WWOX: variants seen among roughly 807,000 people sequenced by gnomAD.
WWOX encodes the protein WW domain containing oxidoreductase, also known as WW domain-containing oxidoreductase.
WWOX carries 69 observed loss-of-function variants against 46.2 expected under a neutral mutation model. That is an observed-to-expected ratio of 1.49 (90% CI 1.23 to 1.82). The LOEUF (loss-of-function observed/expected upper bound fraction) is 1.82. Ranked by LOEUF, WWOX falls within the 40% of genes most tolerant of loss-of-function variation. The probability of loss-of-function intolerance (pLI) is 0.00; values close to 1 mark genes in which losing one functional copy is unlikely to be tolerated. For synonymous variants in WWOX, 359 were observed against 202.6 expected, an observed-to-expected ratio of 1.77 and a Z score of -6.56; for missense variants, 919 against 542.6, an observed-to-expected ratio of 1.69 and a Z score of -6.89.
intron 4 of WWOX, among the ~76,000 whole-genome samples, chr16:78,132,182 G>A (rs569048256): frequency 4.8e-4 from 73 of 151,534 alleles, no homozygotes; most frequent in Non-Finnish European, 8.0e-4. Context: ...CCGCCACCAC[G>A]CCCGGCTAAT....
intron 5 of WWOX, among the ~76,000 whole-genome samples, chr16:78,353,486 G>A (rs970150315): frequency 2.0e-5 from 3 of 152,164 alleles, no homozygotes; most frequent in South Asian, 2.1e-4. Context: ...TGTTCAATAC[G>A]TAGCACCTTT....
chr16:78,237,848 C>T (rs899875992), intron 5 of WWOX, among the ~76,000 whole-genome samples: 1 of 152,128 alleles, frequency 6.6e-6, no homozygotes, highest in African/African-American at 2.4e-5. Context: ...TCGGTTTTGC[C>T]TCTTGGCTCA....
At chr16:79,062,251 T>C (rs1466508032) in intron 8 of WWOX, among the ~76,000 whole-genome samples, 1 of 152,180 alleles carries the variant, frequency 6.6e-6, no homozygotes. Context: ...ATGGGACATA[T>C]CATTTTCTTA....
chr16:78,675,549 C>T (rs1213895022), intron 8 of WWOX, among the ~76,000 whole-genome samples: 2 of 152,312 alleles, frequency 1.3e-5, no homozygotes, highest in East Asian at 1.9e-4. Flanking sequence ...ATTTTGAGAG[C>T]AAGCACGGGG....
chr16:79,054,693 C>A (rs1390515799), intron 8 of WWOX, among the ~76,000 whole-genome samples: 1 of 151,936 alleles, frequency 6.6e-6, no homozygotes, highest in African/African-American at 2.4e-5. Context: ...GGCGTGGTGT[C>A]GTGTGTCTGT....
chr16:78,112,654 T>TATGTTGAAA (rs1251062607), intron 3 of WWOX, among the ~76,000 whole-genome samples: 24 of 151,368 alleles, frequency 1.6e-4, no homozygotes, highest in Non-Finnish European at 2.6e-4. Flanking sequence ...GCATTGGTTG[T>TATGTTGAAA]ATGTTGAAAA....
At chr16:78,154,485 C>CTTTTTTTTTTT (rs557916068) in intron 4 of WWOX, among the ~76,000 whole-genome samples, 1 of 77,786 alleles carries the variant, frequency 1.3e-5, no homozygotes, top group African/African-American at 5.3e-5. Context: ...AATCCTTGAT[C>CTTTTTTTTTTT]TTTTTTTTTT....
intron 8 of WWOX, among the ~76,000 whole-genome samples, chr16:79,209,742 T>C (rs1020488424): frequency 6.6e-6 from 1 of 152,206 alleles, no homozygotes; most frequent in African/African-American, 2.4e-5. Context: ...AATTCTCCAA[T>C]TTGTCTTTAG....
chr16:78,174,407 C>T (rs973165020), intron 5 of WWOX, among the ~76,000 whole-genome samples: 1 of 152,200 alleles, frequency 6.6e-6, no homozygotes, highest in Non-Finnish European at 1.5e-5. Context: ...GTCCCTCCCA[C>T]AACATGTGGG....
At chr16:78,894,970 C>G (rs1361385950) in intron 8 of WWOX, among the ~76,000 whole-genome samples, 2 of 152,180 alleles carry the variant, frequency 1.3e-5, no homozygotes, top group Non-Finnish European at 2.9e-5. Flanking sequence ...GGATCCACCT[C>G]CACAACTAGG....
At chr16:78,593,962 A>G (rs527995101) in intron 8 of WWOX, among the ~76,000 whole-genome samples, 26 of 152,282 alleles carry the variant, frequency 1.7e-4, no homozygotes, top group African/African-American at 6.0e-4. Flanking sequence ...TTGTCCCACT[A>G]TCATTATATC....
At chr16:78,956,282 A>G (rs1014608403) in intron 8 of WWOX, among the ~76,000 whole-genome samples, 4 of 152,104 alleles carry the variant, frequency 2.6e-5, no homozygotes, top group Admixed American at 2.6e-4. Flanking sequence ...AGTAGCTGGG[A>G]TTATAGGCAC....
intron 5 of WWOX, among the ~76,000 whole-genome samples, chr16:78,342,232 C>A (rs1293285764): frequency 8.2e-6 from 1 of 121,438 alleles, no homozygotes; most frequent in Non-Finnish European, 2.0e-5. Flanking sequence ...ACATAAGTGT[C>A]AGCTGCTACG....
At chr16:78,967,208 G>T (rs1373877306) in intron 8 of WWOX, among the ~76,000 whole-genome samples, 1 of 151,156 alleles carries the variant, frequency 6.6e-6, no homozygotes. Context: ...AGAGGAAAAT[G>T]CGTGATTCAA....
intron 8 of WWOX, among the ~76,000 whole-genome samples, chr16:78,887,082 GTGTGT>G (rs1567627173): frequency 0.03 from 385 of 12,892 alleles, 3 homozygotes; most frequent in African/African-American, 0.042. Flanking sequence ...TGTGTGGTGT[GTGTGT>G]GTGTGTGTGT....
chr16:78,784,534 C>G (rs2050408187), intron 8 of WWOX, among the ~76,000 whole-genome samples: 1 of 151,908 alleles, frequency 6.6e-6, no homozygotes, highest in South Asian at 2.1e-4. Context: ...TTTTATCTCT[C>G]TGAGCTCAGT....
chr16:79,029,265 C>T (rs1410061917), intron 8 of WWOX, among the ~76,000 whole-genome samples: 1 of 152,122 alleles, frequency 6.6e-6, no homozygotes, highest in Non-Finnish European at 1.5e-5. Flanking sequence ...TGAGTTTTCA[C>T]GCGGAAACTG....
intron 4 of WWOX, among the ~76,000 whole-genome samples, chr16:78,117,440 A>C (rs16947125): frequency 0.14 from 20,788 of 152,140 alleles, 1,721 homozygotes; most frequent in East Asian, 0.27. Flanking sequence ...TTTTATTCTG[A>C]ATTTTTGAAA....
intron 5 of WWOX, among the ~76,000 whole-genome samples, chr16:78,330,675 G>A (rs1289001167): frequency 3.3e-5 from 5 of 152,200 alleles, no homozygotes; most frequent in Non-Finnish European, 4.4e-5. Flanking sequence ...GATTATAGGC[G>A]TGAACCACCG....
Sources: gnomAD v4.1 joint callset for allele counts (sites outside exome capture counted in the v4.1 genomes callset) on GRCh38, gnomAD v4.1.1 for gene constraint, MANE v1.5 for transcripts, NCBI Gene and HGNC (gene_info 2026-07-23, HGNC 2026-07-21) for gene names.